The following ATP8B4 variants were observed in gnomAD, a reference collection of about 807,000 sequenced individuals.
ATP8B4 encodes the protein probable phospholipid-transporting ATPase IM.
Under a neutral mutation model 145.6 loss-of-function variants are expected in ATP8B4, and 133 were observed. The observed-to-expected ratio is 0.91, with a 90% CI of 0.79 to 1.05. ATP8B4 has a LOEUF of 1.05. Ranked by LOEUF, ATP8B4 falls within the 50% of genes least tolerant of loss-of-function variation. The pLI, the probability that ATP8B4 is intolerant of heterozygous loss-of-function variation, is 0.00. For synonymous variants in ATP8B4, 507 were observed against 492.9 expected (o/e 1.03, Z -0.38); for missense variants, 1,458 against 1,425.2 (o/e 1.02, Z -0.37).
Position 49,921,571 on chromosome 15 carries a change from C to T in ATP8B4, c.1759-1161G>A, listed in dbSNP as rs541971711. Among the ~76,000 whole-genome samples, 7 of 152,328 alleles carry T rather than the reference C, an allele frequency of 4.6e-5. No individual in the cohort carries two copies. The East Asian group carries it at 1.2e-3, about 25-fold the overall frequency. The stretch of plus-strand genomic sequence containing the variant: ...AGTGGTCATTTTATGGGCCTCTACA[C>T]TGCAAGTAAAGCATTTTTATGGCCA... On this transcript the variant is annotated intron_variant, in intron 17 of 27. Coordinates refer to ENST00000284509, the MANE Select transcript of ATP8B4 (RefSeq NM_024837.4).
intron 25 of ATP8B4, among the ~76,000 whole-genome samples, chr15:49,869,027 G>C (rs970184492): frequency 6.6e-6 from 1 of 152,092 alleles, no homozygotes; most frequent in African/African-American, 2.4e-5. Flanking sequence ...TCCTGCCTCA[G>C]CCTCCTGAGT....
chr15:50,162,920 C>A (rs1191296919), intron 1 of ATP8B4, among the ~76,000 whole-genome samples: 1 of 152,116 alleles, frequency 6.6e-6, no homozygotes, highest in Non-Finnish European at 1.5e-5. Context: ...CTGATGTATT[C>A]TTCAGTATGT....
chr15:49,953,997 G>GAC (rs2043330925), intron 14 of ATP8B4, among the ~76,000 whole-genome samples: 3 of 152,198 alleles, frequency 2.0e-5, no homozygotes, highest in Non-Finnish European at 4.4e-5. Context: ...CGTGGGTCAT[G>GAC]CCAGCCTTCT....
rs150621826 is a variant in ATP8B4, at chr15:50,022,321, C to T, written c.363-11404G>A. 2.6e-5 allele frequency among the ~76,000 whole-genome samples: 4 copies of T among 152,250 alleles called. No individual in the cohort carries two copies. The East Asian group carries it at 7.7e-4, about 29-fold the overall frequency. ...CTAAGTACCCCTTCTTTAGTGCTTC[C>T]GTTGAGGTCCATCAACACATCCATC... is the stretch of plus-strand genomic sequence containing the variant. On this transcript the variant is annotated intron_variant, in intron 6 of 27. Coordinates refer to ENST00000284509, the MANE Select transcript of ATP8B4 (RefSeq NM_024837.4).
intron 3 of ATP8B4, among the ~76,000 whole-genome samples, chr15:50,053,736 G>A (rs2052367199): frequency 6.6e-6 from 1 of 151,994 alleles, no homozygotes. Context: ...GGTGAAGGTG[G>A]GGAATAAAGT....
intron 6 of ATP8B4, chr15:50,018,914 T>C: frequency 8.0e-7 from 1 of 1,256,068 alleles, no homozygotes; most frequent in South Asian, 1.3e-5. Flanking sequence ...AGGATAAATC[T>C]TCTTCCTTAC....
At chr15:49,869,318 GC>G (rs1199965655) in intron 25 of ATP8B4, among the ~76,000 whole-genome samples, 1 of 151,346 alleles carries the variant, frequency 6.6e-6, no homozygotes, top group Non-Finnish European at 1.5e-5. Flanking sequence ...TATTAATATA[GC>G]ATGATAAAAT....
At chr15:50,116,445 T>A (rs1245406175) in intron 1 of ATP8B4, among the ~76,000 whole-genome samples, 2 of 152,140 alleles carry the variant, frequency 1.3e-5, no homozygotes, top group African/African-American at 4.8e-5. Flanking sequence ...GAAAAAATAA[T>A]GTATTTAGTT....
At chr15:49,938,014 C>T (rs918286620) in intron 14 of ATP8B4, among the ~76,000 whole-genome samples, 2 of 152,096 alleles carry the variant, frequency 1.3e-5, no homozygotes, top group African/African-American at 4.8e-5. Flanking sequence ...AAGGCAAGCA[C>T]GTTGGACCCG....
chr15:49,974,295 A>G (rs1277089328), intron 12 of ATP8B4, among the ~76,000 whole-genome samples: 1 of 151,726 alleles, frequency 6.6e-6, no homozygotes, highest in Non-Finnish European at 1.5e-5. Context: ...TACTACTCGA[A>G]CTACTTGAGT....
At chr15:49,990,932 T>C (rs1410189453) in intron 9 of ATP8B4, among the ~76,000 whole-genome samples, 1 of 152,164 alleles carries the variant, frequency 6.6e-6, no homozygotes, top group African/African-American at 2.4e-5. Context: ...GACAAATACT[T>C]ATTTTCTTAG....
intron 7 of ATP8B4, among the ~76,000 whole-genome samples, chr15:50,010,068 A>T (rs1320892506): frequency 6.6e-6 from 1 of 152,168 alleles, no homozygotes; most frequent in Non-Finnish European, 1.5e-5. Context: ...TCTTGGGGCC[A>T]TATTTTTTTC....
chr15:50,028,353 T>A (rs929802481), intron 6 of ATP8B4, among the ~76,000 whole-genome samples: 2 of 152,216 alleles, frequency 1.3e-5, no homozygotes, highest in Admixed American at 1.3e-4. Flanking sequence ...AGGAAATAGA[T>A]CTCAGTATTT....
intron 10 of ATP8B4, among the ~76,000 whole-genome samples, chr15:49,985,631 G>T (rs573679854): frequency 2.6e-5 from 4 of 152,322 alleles, no homozygotes; most frequent in African/African-American, 9.6e-5. Flanking sequence ...TCTCCTGCAA[G>T]TGAACACTGT....
intron 2 of ATP8B4, among the ~76,000 whole-genome samples, chr15:50,106,260 C>T (rs1002916073): frequency 3.9e-5 from 6 of 152,136 alleles, no homozygotes; most frequent in Admixed American, 1.3e-4. Flanking sequence ...GTTGGACACA[C>T]GTCCACTGAA....
intron 1 of ATP8B4, among the ~76,000 whole-genome samples, chr15:50,172,890 G>A (rs554727628): frequency 1.1e-3 from 160 of 151,906 alleles, no homozygotes; most frequent in African/African-American, 3.7e-3. Context: ...TGAGAAGTGA[G>A]GAGCCCCTCC....
chr15:50,043,274 T>C (rs536664726), intron 5 of ATP8B4, among the ~76,000 whole-genome samples: 97 of 152,364 alleles, frequency 6.4e-4, no homozygotes, highest in African/African-American at 2.2e-3. Context: ...TGAGAATGAC[T>C]TCCTTTGGGT....
rs945405011 is a variant in ATP8B4, at chr15:49,875,329, G to A, written c.3027+949C>T. 2.6e-5 allele frequency among the ~76,000 whole-genome samples: 4 copies of A among 152,176 alleles called. No homozygotes were observed. The East Asian group carries it at 5.8e-4, about 22-fold the overall frequency. On this transcript the variant is annotated intron_variant, in intron 25 of 27. Transcript: ENST00000284509. Reference sequence around the variant, plus strand: ...ACCGAGGAACAGGTCTGAGCCAGAGGTGAATCAGCTGTTACCACTAAAAAG... The same window carrying A: ...ACCGAGGAACAGGTCTGAGCCAGAGATGAATCAGCTGTTACCACTAAAAAG...
intron 23 of ATP8B4, chr15:49,896,238 T>C (rs993858867): frequency 1.3e-5 from 2 of 152,206 alleles, no homozygotes; most frequent in Non-Finnish European, 2.9e-5. Context: ...AATCTACTCT[T>C]AGTTTAGGGC....
Sources: allele counts gnomAD v4.1 joint callset (sites outside exome capture counted in the v4.1 genomes callset), GRCh38; gene constraint gnomAD v4.1.1; transcripts MANE v1.5; gene names NCBI Gene and HGNC (gene_info 2026-07-23, HGNC 2026-07-21).